The following MEF2A variants were observed in gnomAD, a reference collection of about 807,000 sequenced individuals.
MEF2A encodes the protein myocyte enhancer factor 2A, also known as myocyte-specific enhancer factor 2A.
A neutral mutation model predicts 55.8 loss-of-function variants in MEF2A; 28 were observed. The ratio of observed to expected loss-of-function variants is 0.50; its 90% CI spans 0.37 to 0.69. The LOEUF is 0.69. MEF2A is among the 30% of genes least tolerant of loss of function. MEF2A has a pLI of 0.00. For synonymous variants in MEF2A, 239 were observed against 227.1 expected (o/e 1.05, Z -0.47); for missense variants, 528 against 626.2 (o/e 0.84, Z 1.67).
chr15:99,688,854 C>G (rs1045090290), intron 7 of MEF2A, among the ~76,000 whole-genome samples: 2 of 152,062 alleles, frequency 1.3e-5, no homozygotes, highest in South Asian at 2.1e-4. Flanking sequence ...GTTGTTTTAC[C>G]CGGGTTCTGA....
At chr15:99,614,833 G>A (rs1351117184) in intron 2 of MEF2A, among the ~76,000 whole-genome samples, 2 of 152,132 alleles carry the variant, frequency 1.3e-5, no homozygotes, top group Non-Finnish European at 2.9e-5. Flanking sequence ...AAAGGAGTTA[G>A]GAGCTTTCTA....
At chr15:99,574,218 G>A (rs1454625385) in intron 1 of MEF2A, among the ~76,000 whole-genome samples, 3 of 152,086 alleles carry the variant, frequency 2.0e-5, no homozygotes, top group African/African-American at 4.8e-5. Flanking sequence ...ACAAAGTCTG[G>A]AAACAGAGAT....
chr15:99,611,890 T>C (rs1213242710), intron 2 of MEF2A, among the ~76,000 whole-genome samples: 1 of 152,062 alleles, frequency 6.6e-6, no homozygotes, highest in East Asian at 1.9e-4. Flanking sequence ...CTTGAAAACA[T>C]CATGTTAAGT....
intron 1 of MEF2A, chr15:99,566,434 G>C (rs1468399979): frequency 1.3e-5 from 2 of 148,876 alleles, no homozygotes; most frequent in African/African-American, 2.5e-5. Context: ...CCCTGAGGGC[G>C]GGCCGGTGGG....
chr15:99,684,463 A>C (rs1177698844), intron 7 of MEF2A, among the ~76,000 whole-genome samples: 2 of 152,186 alleles, frequency 1.3e-5, no homozygotes, highest in African/African-American at 2.4e-5. Context: ...ACTGATAATT[A>C]GTGATGTTGA....
intron 1 of MEF2A, among the ~76,000 whole-genome samples, chr15:99,593,304 C>T (rs1272431969): frequency 2.6e-5 from 4 of 152,148 alleles, no homozygotes; most frequent in African/African-American, 9.7e-5. Flanking sequence ...ACTGTGCATC[C>T]AAGCATTTGT....
chr15:99,675,000 C>G (rs968548053), intron 6 of MEF2A, among the ~76,000 whole-genome samples: 1 of 152,152 alleles, frequency 6.6e-6, no homozygotes, highest in Non-Finnish European at 1.5e-5. Flanking sequence ...GCCTGAATTA[C>G]TTCATTAATT....
intron 4 of MEF2A, 74 bp from the exon 5 acceptor site, chr15:99,671,249 T>G: frequency 6.5e-7 from 1 of 1,527,382 alleles, no homozygotes; most frequent in Non-Finnish European, 8.9e-7. Flanking sequence ...GTCTGTGCTC[T>G]CTTAATAAAT....
intron 1 of MEF2A, among the ~76,000 whole-genome samples, chr15:99,569,846 A>G (rs138328223): frequency 1.9e-3 from 286 of 152,158 alleles, no homozygotes; most frequent in African/African-American, 6.6e-3. Flanking sequence ...TGTGAAATTA[A>G]TGATTTTCTC....
intron 3 of MEF2A, among the ~76,000 whole-genome samples, chr15:99,645,208 T>C (rs934322256): frequency 1.3e-5 from 2 of 152,210 alleles, no homozygotes; most frequent in African/African-American, 4.8e-5. Context: ...TGGCTGATGC[T>C]ACATTACCTG....
intron 8 of MEF2A, among the ~76,000 whole-genome samples, chr15:99,691,698 A>C (rs1418364455): frequency 1.3e-5 from 2 of 149,198 alleles, no homozygotes; most frequent in African/African-American, 4.9e-5. Context: ...ACTCTGTCTC[A>C]AGAAAAAAAA....
chr15:99,706,670 A>G, intron 9 of MEF2A, 59 bp from the exon 10 acceptor site: 1 of 1,573,754 alleles, frequency 6.4e-7, no homozygotes, highest in Non-Finnish European at 8.7e-7. Flanking sequence ...ATTGAAAGTG[A>G]TTTTTAAGTC....
At chr15:99,660,279 C>T (rs1224543485) in intron 4 of MEF2A, among the ~76,000 whole-genome samples, 1 of 152,110 alleles carries the variant, frequency 6.6e-6, no homozygotes, top group Admixed American at 6.5e-5. Context: ...TTGGCTCACC[C>T]CGACCTCCGC....
At chr15:99,683,872 C>T (rs893289541) in intron 7 of MEF2A, among the ~76,000 whole-genome samples, 5 of 152,128 alleles carry the variant, frequency 3.3e-5, no homozygotes, top group Non-Finnish European at 7.4e-5. Flanking sequence ...CAGCCTTCCT[C>T]CTTGAGTCCC....
At chr15:99,661,048 C>G (rs535949123) in intron 4 of MEF2A, among the ~76,000 whole-genome samples, 2 of 152,172 alleles carry the variant, frequency 1.3e-5, no homozygotes, top group African/African-American at 2.4e-5. Flanking sequence ...ATACCAAATG[C>G]CAAACGTACC....
intron 4 of MEF2A, among the ~76,000 whole-genome samples, chr15:99,666,350 A>C (rs1001297898): frequency 6.6e-6 from 1 of 152,008 alleles, no homozygotes; most frequent in Admixed American, 6.5e-5. Flanking sequence ...CAGAAAACTA[A>C]ACACCGCATG....
At chr15:99,631,655 T>A (rs1186277616) in intron 2 of MEF2A, among the ~76,000 whole-genome samples, 4 of 152,164 alleles carry the variant, frequency 2.6e-5, no homozygotes, top group Non-Finnish European at 4.4e-5. Context: ...ATCCTTTTTT[T>A]TTTTTCTGAC....
chr15:99,652,480 A>G (rs532414935), intron 4 of MEF2A, among the ~76,000 whole-genome samples: 1 of 152,126 alleles, frequency 6.6e-6, no homozygotes, highest in African/African-American at 2.4e-5. Context: ...TTTAAAGGTT[A>G]TGGTAGGTGG....
At chr15:99,645,936 A>G (rs115322698) in intron 4 of MEF2A, 172 bp downstream of exon 4, 60 of 508,996 alleles carry the variant, frequency 1.2e-4, no homozygotes, top group African/African-American at 9.9e-4. Context: ...CACTTGTGTT[A>G]TAAACATACT....
Sources: gnomAD v4.1 joint callset for allele counts (sites outside exome capture counted in the v4.1 genomes callset) on GRCh38, gnomAD v4.1.1 for gene constraint, MANE v1.5 for transcripts, NCBI Gene and HGNC (gene_info 2026-07-23, HGNC 2026-07-21) for gene names.